The following CADM2 variants were observed in gnomAD, a reference collection of about 807,000 sequenced individuals.
CADM2 encodes immunoglobulin superfamily member 4D.
A neutral mutation model predicts 49.8 loss-of-function variants in CADM2; 12 were observed. That is an observed-to-expected ratio of 0.24 (90% CI 0.15 to 0.39). The LOEUF (loss-of-function observed/expected upper bound fraction) is 0.39. Ranked by LOEUF, CADM2 falls within the 10% of genes least tolerant of loss-of-function variation. The probability of loss-of-function intolerance (pLI) is 1.00; values close to 1 mark genes in which losing one functional copy is unlikely to be tolerated. For missense variants in CADM2, 378 were observed against 492.3 expected, an observed-to-expected ratio of 0.77 and a Z score of 2.20; for synonymous variants, 214 against 175.4, an observed-to-expected ratio of 1.22 and a Z score of -1.74.
chr3:85,786,472 G>A (rs2070996319), intron 2 of CADM2, among the ~76,000 whole-genome samples: 3 of 151,938 alleles, frequency 2.0e-5, no homozygotes, highest in African/African-American at 7.2e-5. Context: ...TGCAAACATG[G>A]ACAAGATGGG....
At chr3:85,332,797 G>A (rs541387267) in intron 1 of CADM2, among the ~76,000 whole-genome samples, 5 of 151,776 alleles carry the variant, frequency 3.3e-5, no homozygotes, top group Non-Finnish European at 5.9e-5. Flanking sequence ...CTGCTAGTTT[G>A]CAAGTAGATT....
At position 86,017,374 on chromosome 3, in the gene CADM2, G is replaced by A. The variant is rs1437112922; in HGVS notation, c.971-48231G>A. Among the ~76,000 whole-genome samples, 4 of 151,864 alleles carry A rather than the reference G, an allele frequency of 2.6e-5. No homozygotes were observed. In the South Asian group the frequency reaches 8.3e-4, roughly 32 times the overall value. On this transcript the variant is annotated intron_variant, in intron 8 of 9. Coordinates refer to ENST00000383699, the MANE Select transcript of CADM2 (RefSeq NM_001167675.2). Reference sequence around the variant, plus strand: ...AAGAGCTCAAAATTATTTGATTTCTGAAGAAAAATTATAAAATATTTTTAC... The same window carrying A: ...AAGAGCTCAAAATTATTTGATTTCTAAAGAAAAATTATAAAATATTTTTAC...
chr3:85,329,886 A>T (rs1373651931), intron 1 of CADM2, among the ~76,000 whole-genome samples: 1 of 152,138 alleles, frequency 6.6e-6, no homozygotes, highest in African/African-American at 2.4e-5. Flanking sequence ...AAAGAAAAAT[A>T]AGAAGCATTT....
intron 3 of CADM2, among the ~76,000 whole-genome samples, chr3:85,859,041 C>A (rs1559705301): frequency 6.6e-6 from 1 of 151,994 alleles, no homozygotes; most frequent in Non-Finnish European, 1.5e-5. Flanking sequence ...CATTTTGTGA[C>A]ATTTTTTACA....
intron 1 of CADM2, among the ~76,000 whole-genome samples, chr3:85,577,931 A>G (rs1441577290): frequency 6.6e-6 from 1 of 151,788 alleles, no homozygotes; most frequent in Non-Finnish European, 1.5e-5. Context: ...TTGTTTCACT[A>G]AAAAATTATC....
chr3:85,263,326 A>G (rs2043054012), intron 1 of CADM2, among the ~76,000 whole-genome samples: 1 of 152,006 alleles, frequency 6.6e-6, no homozygotes, highest in South Asian at 2.1e-4. Flanking sequence ...CTATACCATA[A>G]CCTATGCCTC....
intron 2 of CADM2, among the ~76,000 whole-genome samples, chr3:85,766,779 T>C (rs1237545430): frequency 6.6e-6 from 1 of 152,204 alleles, no homozygotes; most frequent in Non-Finnish European, 1.5e-5. Flanking sequence ...CATAATTATA[T>C]TGTTGAATAG....
chr3:85,754,072 G>A (rs1425199593), intron 2 of CADM2, among the ~76,000 whole-genome samples: 1 of 152,178 alleles, frequency 6.6e-6, no homozygotes, highest in African/African-American at 2.4e-5. Flanking sequence ...GGGTGCACGT[G>A]TCGTGTGTTT....
chr3:85,974,804 T>C (rs1401384199), intron 8 of CADM2, among the ~76,000 whole-genome samples: 3 of 151,692 alleles, frequency 2.0e-5, no homozygotes, highest in African/African-American at 7.3e-5. Context: ...AATTGTTCTA[T>C]TGACTTGATT....
intron 7 of CADM2, among the ~76,000 whole-genome samples, chr3:85,949,133 A>G (rs1427590904): frequency 2.0e-5 from 3 of 151,492 alleles, no homozygotes; most frequent in Non-Finnish European, 4.4e-5. Context: ...GTGAGTCACT[A>G]GTGCAGTGTT....
intron 2 of CADM2, among the ~76,000 whole-genome samples, chr3:85,791,318 C>A (rs978770896): frequency 2.0e-5 from 3 of 152,110 alleles, no homozygotes; most frequent in African/African-American, 7.2e-5. Context: ...TACTGAGCCA[C>A]AACTTTCACA....
chr3:85,472,552 A>G (rs1001358824), intron 1 of CADM2, among the ~76,000 whole-genome samples: 1 of 152,042 alleles, frequency 6.6e-6, no homozygotes, highest in Non-Finnish European at 1.5e-5. Flanking sequence ...TTTCGTTGAA[A>G]TTATAAATCT....
Position 85,390,551 on chromosome 3 carries a change from G to A in CADM2, c.62-335971G>A, listed in dbSNP as rs565223140. Reference sequence around the variant, plus strand: ...GTAGGAGGTCAGGCCTGTATCCAATGTCTATTCCTGTTTTCTCCTCTTTAT... The same window carrying A: ...GTAGGAGGTCAGGCCTGTATCCAATATCTATTCCTGTTTTCTCCTCTTTAT... On this transcript the variant is annotated intron_variant, in intron 1 of 9. Transcript: ENST00000383699. 2.0e-4 allele frequency among the ~76,000 whole-genome samples: 31 copies of A among 152,080 alleles called. 1 individual carries two copies. Among genetic ancestry groups the A allele is most frequent in the African/African-American group, 6.7e-4 (28 of 41,522 alleles).
At chr3:85,311,984 A>G (rs1046438554) in intron 1 of CADM2, among the ~76,000 whole-genome samples, 3 of 152,170 alleles carry the variant, frequency 2.0e-5, no homozygotes, top group African/African-American at 7.2e-5. Context: ...TAGGTACCAA[A>G]ATATTTCTAT....
chr3:85,917,469 G>T lies in CADM2; in HGVS notation c.700+4926G>T, dbSNP rs533494306. Among the ~76,000 whole-genome samples, 208 of 152,292 alleles carry T rather than the reference G, an allele frequency of 1.4e-3. 2 individuals are homozygous for T. Among genetic ancestry groups the T allele is most frequent in the African/African-American group, 4.8e-3 (199 of 41,554 alleles). ...TTTTTGTCAGGTTTGTCAAAGATCA[G>T]ATAGTTGTAGATATGCAGCATTATT... is the stretch of plus-strand genomic sequence containing the variant. On this transcript the variant is annotated intron_variant, in intron 6 of 9. Transcript: ENST00000383699.
intron 7 of CADM2, among the ~76,000 whole-genome samples, chr3:85,943,848 G>C (rs1019170567): frequency 1.9e-4 from 29 of 152,052 alleles, no homozygotes; most frequent in Non-Finnish European, 4.4e-5. Flanking sequence ...TTGATGCTAA[G>C]TAGAAACTGC....
intron 1 of CADM2, among the ~76,000 whole-genome samples, chr3:85,034,493 C>A (rs948851858): frequency 6.6e-6 from 1 of 152,090 alleles, no homozygotes; most frequent in Admixed American, 6.6e-5. Context: ...TTTATCTATT[C>A]ATATGCTGAT....
chr3:86,021,791 GA>G (rs752207770), intron 8 of CADM2, among the ~76,000 whole-genome samples: 9 of 152,052 alleles, frequency 5.9e-5, no homozygotes. Context: ...ACTATACAAA[GA>G]TAGAGAACAA....
intron 1 of CADM2, among the ~76,000 whole-genome samples, chr3:85,394,485 T>G (rs926888420): frequency 2.6e-5 from 4 of 152,212 alleles, no homozygotes; most frequent in Non-Finnish European, 4.4e-5. Flanking sequence ...GATCTCATTT[T>G]ATTTAGTTTT....
Sources: allele counts gnomAD v4.1 joint callset (sites outside exome capture counted in the v4.1 genomes callset), GRCh38; gene constraint gnomAD v4.1.1; transcripts MANE v1.5; gene names NCBI Gene and HGNC (gene_info 2026-07-23, HGNC 2026-07-21).